AGBL4: variants seen among roughly 807,000 people sequenced by gnomAD.
AGBL4 encodes AGBL carboxypeptidase 4, also known as cytosolic carboxypeptidase 6.
Under a neutral mutation model 66.4 loss-of-function variants are expected in AGBL4, and 58 were observed. The observed-to-expected ratio is 0.87, with a 90% CI of 0.71 to 1.09. The LOEUF is 1.09. Among genes scored for constraint, AGBL4 ranks in the 50% least tolerant of loss-of-function variants. The pLI is 0.00. For missense variants in AGBL4, 579 were observed against 631.0 expected (o/e 0.92, Z 0.88); for synonymous variants, 234 against 222.9 (o/e 1.05, Z -0.44).
intron 6 of AGBL4, among the ~76,000 whole-genome samples, chr1:48,858,989 C>T (rs1162305247): frequency 6.6e-6 from 1 of 151,964 alleles, no homozygotes; most frequent in Non-Finnish European, 1.5e-5. Flanking sequence ...GGGAAGATTG[C>T]ACATATCTAC....
intron 6 of AGBL4, among the ~76,000 whole-genome samples, chr1:48,676,243 C>A (rs1003195156): frequency 6.6e-6 from 1 of 152,232 alleles, no homozygotes; most frequent in African/African-American, 2.4e-5. Flanking sequence ...TACCTTCCAC[C>A]TTCTGGCAGA....
intron 5 of AGBL4, among the ~76,000 whole-genome samples, chr1:49,002,918 C>CCAGGAG (rs1661500866): frequency 6.6e-6 from 1 of 152,144 alleles, no homozygotes; most frequent in Non-Finnish European, 1.5e-5. Context: ...TGTGTATAGA[C>CCAGGAG]CAGGAGCAGA....
At chr1:49,645,359 G>A (rs1291264799) in intron 3 of AGBL4, among the ~76,000 whole-genome samples, 1 of 150,498 alleles carries the variant, frequency 6.6e-6, no homozygotes, top group Non-Finnish European at 1.5e-5. Context: ...TGAATATTGG[G>A]TATGAGAAAG....
rs189530002 is a variant in AGBL4 at position 49,991,281 on chromosome 1, G to C, written c.34+32482C>G. Among the ~76,000 whole-genome samples, 18 of 152,128 alleles carry C rather than the reference G, an allele frequency of 1.2e-4. No homozygotes were observed. In the East Asian group the frequency reaches 3.5e-3, roughly 29 times the overall value. On this transcript the variant is annotated intron_variant, in intron 1 of 13. Transcript: ENST00000371839. ...AATGTTATTAGAGACAATATAATAT[G>C]AATTCCCCTTGTAGGACATTAGTTT...
At chr1:49,747,042 A>T (rs1651040881) in intron 2 of AGBL4, among the ~76,000 whole-genome samples, 1 of 152,208 alleles carries the variant, frequency 6.6e-6, no homozygotes, top group Non-Finnish European at 1.5e-5. Context: ...TGTAGAAAAC[A>T]GGTCAGCTAT....
In AGBL4 at chr1:49,561,149, AC is replaced by A. The variant is rs775481380; in HGVS notation, c.282+136163del. On this transcript the variant is annotated intron_variant, in intron 3 of 13. Coordinates refer to ENST00000371839, the MANE Select transcript of AGBL4 (RefSeq NM_032785.4). ...CCAATTAAAAATAATAACTACAAAA[AC>A]TTTTCAAGACTTAGTAAATATGATA... Among the ~76,000 whole-genome samples the A allele has an allele frequency of 3.3e-5, 5 of 152,046 alleles. No individual in the cohort carries two copies. In the South Asian group the frequency reaches 8.3e-4, roughly 25 times the overall value.
chr1:48,978,649 T>C (rs539657474), intron 5 of AGBL4, among the ~76,000 whole-genome samples: 18 of 152,306 alleles, frequency 1.2e-4, no homozygotes, highest in African/African-American at 4.3e-4. Flanking sequence ...CCCTGAGTTA[T>C]TTAATGTCCT....
chr1:49,196,189 T>C (rs902442244), intron 4 of AGBL4, among the ~76,000 whole-genome samples: 4 of 152,204 alleles, frequency 2.6e-5, no homozygotes, highest in African/African-American at 9.6e-5. Context: ...TCACTTTATA[T>C]AGTTGCATAC....
chr1:49,338,423 T>C (rs1027416316), intron 3 of AGBL4, among the ~76,000 whole-genome samples: 52 of 152,228 alleles, frequency 3.4e-4, no homozygotes, highest in African/African-American at 1.2e-3. Flanking sequence ...CGTCATAAGA[T>C]CTATTAGGTT....
rs1231136851 is a variant in AGBL4, at chr1:49,875,491, A to G, written c.35-23973T>C. ...TCCCTACAAAGGACATGAACTCATC[A>G]TTTTTTATGGCTGCATAGTATTCTA... On this transcript the variant is annotated intron_variant, in intron 1 of 13. Coordinates refer to ENST00000371839, the MANE Select transcript of AGBL4 (RefSeq NM_032785.4). 2.1e-5 allele frequency among the ~76,000 whole-genome samples: 3 copies of G among 145,102 alleles called. No individual in the cohort carries two copies. The East Asian group carries it at 6.1e-4, about 29-fold the overall frequency.
chr1:48,965,415 TCAGAGA>T (rs1277674081), intron 5 of AGBL4, among the ~76,000 whole-genome samples: 3 of 152,102 alleles, frequency 2.0e-5, no homozygotes, highest in Non-Finnish European at 4.4e-5. Context: ...CAAAAAGGAC[TCAGAGA>T]CCTGCAATTA....
At chr1:49,442,134 A>T (rs1646047946) in intron 3 of AGBL4, among the ~76,000 whole-genome samples, 1 of 152,084 alleles carries the variant, frequency 6.6e-6, no homozygotes, top group South Asian at 2.1e-4. Flanking sequence ...TTAATTCATA[A>T]ATCCTGAATA....
At chr1:48,931,353 T>G (rs17105234) in intron 5 of AGBL4, among the ~76,000 whole-genome samples, 15,621 of 152,124 alleles carry the variant, frequency 0.1, 892 homozygotes, top group African/African-American at 0.11. Context: ...AATAAACCAG[T>G]TACTAAATGG....
intron 3 of AGBL4, among the ~76,000 whole-genome samples, chr1:49,696,981 G>C (rs1256587519): frequency 1.3e-5 from 2 of 152,080 alleles, no homozygotes; most frequent in Non-Finnish European, 2.9e-5. Context: ...AGACAATAGA[G>C]AACAATACCC....
At chr1:49,736,894 C>T (rs1417727644) in intron 2 of AGBL4, among the ~76,000 whole-genome samples, 3 of 151,778 alleles carry the variant, frequency 2.0e-5, no homozygotes, top group Admixed American at 6.6e-5. Flanking sequence ...TAAAAATGGC[C>T]AACCAACATA....
chr1:48,634,698 T>A, intron 8 of AGBL4, 94 bp from the exon 9 acceptor site: 1 of 778,184 alleles, frequency 1.3e-6, no homozygotes, highest in African/African-American at 1.8e-5. Flanking sequence ...AGTGATTATG[T>A]CACTTACCTA....
At position 48,866,596 on chromosome 1, in the gene AGBL4, C is replaced by T. The variant is rs139654007; in HGVS notation, c.634+595G>A. Among the ~76,000 whole-genome samples, 46 of 152,286 alleles carry T rather than the reference C, an allele frequency of 3.0e-4. No individual in the cohort carries two copies. The East Asian group carries it at 8.7e-3, about 29-fold the overall frequency. ...TAAGTTTCCAAACCAGAGTAAAATA[C>T]CTCTCTGAAAGAATTAAACTGCTCA... On this transcript the variant is annotated intron_variant, in intron 6 of 13. Transcript: ENST00000371839.
At chr1:48,837,711 C>CTATATATAAA (rs1646714806) in intron 6 of AGBL4, among the ~76,000 whole-genome samples, 1 of 82,298 alleles carries the variant, frequency 1.2e-5, no homozygotes, top group South Asian at 5.9e-4. Context: ...CACACACACA[C>CTATATATAAA]TATATATATA....
chr1:49,228,858 T>C (rs529305738), intron 4 of AGBL4, among the ~76,000 whole-genome samples: 26 of 152,252 alleles, frequency 1.7e-4, no homozygotes, highest in Admixed American at 7.2e-4. Flanking sequence ...TCTGAGAGTA[T>C]AAAGATGGCA....
Sources: gnomAD v4.1 joint callset for allele counts (sites outside exome capture counted in the v4.1 genomes callset) on GRCh38, gnomAD v4.1.1 for gene constraint, MANE v1.5 for transcripts, NCBI Gene and HGNC (gene_info 2026-07-23, HGNC 2026-07-21) for gene names.